The following ZNF536 variants were observed in gnomAD, a reference collection of about 807,000 sequenced individuals.
The protein encoded by ZNF536 is zinc finger protein 536.
ZNF536 carries 13 observed loss-of-function variants against 84.5 expected under a neutral mutation model. The observed-to-expected ratio is 0.15, with a 90% CI of 0.10 to 0.24. The LOEUF is 0.24. ZNF536 is among the 10% of genes least tolerant of loss of function. The pLI is 1.00. For synonymous variants in ZNF536, 811 were observed against 742.5 expected (o/e 1.09, Z -1.50); for missense variants, 1,536 against 1,747.5 (o/e 0.88, Z 2.16).
upstream of ZNF536, among the ~76,000 whole-genome samples, chr19:30,368,693 T>C (rs886818791): frequency 3.3e-5 from 5 of 152,244 alleles, no homozygotes; most frequent in South Asian, 8.3e-4. Flanking sequence ...AGTTATGAGT[T>C]GGTGGAATTC....
chr19:30,499,523 G>C (rs553396612), intron 2 of ZNF536, among the ~76,000 whole-genome samples: 47 of 152,138 alleles, frequency 3.1e-4, no homozygotes, highest in African/African-American at 1.1e-3. Flanking sequence ...TATCCATATA[G>C]CTATCTATAT....
chr19:30,409,674 A>G (rs531497611), intron 1 of ZNF536, among the ~76,000 whole-genome samples: 1 of 152,330 alleles, frequency 6.6e-6, no homozygotes, highest in East Asian at 1.9e-4. Context: ...GTTATGTCAA[A>G]TTACGTCCCC....
intron 1 of ZNF536, among the ~76,000 whole-genome samples, chr19:30,277,389 C>T (rs1490113286): frequency 1.3e-5 from 2 of 152,052 alleles, no homozygotes; most frequent in Non-Finnish European, 2.9e-5. Flanking sequence ...CGAGCCTGGT[C>T]CGATATTGTA....
At chr19:30,408,411 C>T (rs576836885) in intron 1 of ZNF536, among the ~76,000 whole-genome samples, 2 of 152,286 alleles carry the variant, frequency 1.3e-5, no homozygotes, top group South Asian at 4.1e-4. Flanking sequence ...CCCATCACCA[C>T]CTTTGTTCCT....
intron 2 of ZNF536, among the ~76,000 whole-genome samples, chr19:30,481,279 C>A (rs904138336): frequency 3.3e-5 from 5 of 152,154 alleles, no homozygotes; most frequent in African/African-American, 9.7e-5. Flanking sequence ...TACATACATG[C>A]GCATGAGTAT....
intron 1 of ZNF536, among the ~76,000 whole-genome samples, chr19:30,271,218 G>T (rs2025815096): frequency 6.6e-6 from 1 of 151,386 alleles, no homozygotes; most frequent in Non-Finnish European, 1.5e-5. Context: ...GTCTTTCTGT[G>T]CCCTGTGTTT....
At chr19:30,536,834 T>C (rs1052243300) in intron 3 of ZNF536, among the ~76,000 whole-genome samples, 1 of 152,318 alleles carries the variant, frequency 6.6e-6, no homozygotes, top group East Asian at 1.9e-4. Flanking sequence ...CCTTGCATTC[T>C]GAACTCAGGG....
chr19:30,488,572 A>C (rs984169598), intron 2 of ZNF536, among the ~76,000 whole-genome samples: 1 of 151,830 alleles, frequency 6.6e-6, no homozygotes, highest in Admixed American at 6.6e-5. Flanking sequence ...AATTAAAAAA[A>C]AAAAACAACC....
chr19:30,421,764 C>G (rs1410563003), intron 1 of ZNF536, among the ~76,000 whole-genome samples: 2 of 152,192 alleles, frequency 1.3e-5, no homozygotes. Flanking sequence ...AGGAGAGAAG[C>G]CCCTTCCAGC....
At chr19:30,558,198 C>T (rs1256072555), downstream of ZNF536, 1 of 152,208 alleles carries the variant, frequency 6.6e-6, no homozygotes, top group Non-Finnish European at 1.5e-5. Flanking sequence ...CGGGGCAGAT[C>T]ATTGCATTTT....
At chr19:30,634,990 T>C (rs1353761447) in intron 1 of ZNF536, among the ~76,000 whole-genome samples, 2 of 152,248 alleles carry the variant, frequency 1.3e-5, no homozygotes, top group East Asian at 3.9e-4. Context: ...ACTCAGCTTA[T>C]TTTAATTCTG....
In ZNF536 at chr19:30,395,304, C is replaced by T. The variant is rs138814113; in HGVS notation, c.-3+22748C>T. Among the ~76,000 whole-genome samples the T allele has an allele frequency of 5.7e-3, 864 of 152,292 alleles. 7 individuals carry two copies. The highest frequency in any genetic ancestry group is 0.02 in the African/African-American group (828 of 41,568). On this transcript the variant is annotated intron_variant, in intron 1 of 4. Coordinates refer to ENST00000355537, the MANE Select transcript of ZNF536 (RefSeq NM_014717.3). ...TAAAGGGGATGTCCAATAACTAGAACATAGAAGTGGCATTTTGTTGTTTTG... is the reference window on the plus strand; with the variant it reads ...TAAAGGGGATGTCCAATAACTAGAATATAGAAGTGGCATTTTGTTGTTTTG...
intron 2 of ZNF536, among the ~76,000 whole-genome samples, chr19:30,323,962 C>T (rs1471820512): frequency 6.6e-6 from 1 of 152,064 alleles, no homozygotes; most frequent in African/African-American, 2.4e-5. Context: ...CCTTTATTTA[C>T]TCATCCACTC....
chr19:30,709,498 G>A (rs560703167), intron 1 of ZNF536, among the ~76,000 whole-genome samples: 46 of 152,326 alleles, frequency 3.0e-4, no homozygotes, highest in African/African-American at 1.1e-3. Flanking sequence ...ATCAGAACAT[G>A]AGCTGGCTTT....
At chr19:30,517,147 C>G (rs9676954) in intron 2 of ZNF536, among the ~76,000 whole-genome samples, 14,732 of 152,274 alleles carry the variant, frequency 0.097, 987 homozygotes, top group Non-Finnish European at 0.15. Flanking sequence ...AATTTGGTAT[C>G]ATAGCGAAGA....
At chr19:30,399,733 G>A (rs998524681) in intron 1 of ZNF536, among the ~76,000 whole-genome samples, 1 of 142,916 alleles carries the variant, frequency 7.0e-6, no homozygotes, top group African/African-American at 2.6e-5. Context: ...AGTCACCCAG[G>A]CTGGAGTGCA....
At chr19:30,267,868 G>A (rs1599960082) in intron 1 of ZNF536, among the ~76,000 whole-genome samples, 1 of 146,912 alleles carries the variant, frequency 6.8e-6, no homozygotes, top group Admixed American at 6.6e-5. Context: ...GAGTGTGTAT[G>A]TGTGTGTGTG....
At position 30,711,831 on chromosome 19, in the gene ZNF536, G is replaced by A. The variant is rs1013930409; in HGVS notation, c.*830G>A. ...AGTAGGGTACATTATATAAAATGTT[G>A]TTAGAAAAACTAGCTAACCCCATCC... On this transcript the variant is annotated 3_prime_UTR_variant, in exon 2 of 2. Coordinates refer to the ZNF536 transcript ENST00000592773. 5 of 152,172 alleles carry A rather than the reference G, an allele frequency of 3.3e-5. No homozygotes were observed. In the East Asian group the frequency reaches 7.7e-4, roughly 23 times the overall value. 9.4% of individuals were successfully genotyped at this position (152,172 alleles called of 1,614,324 possible). A position where few individuals can be genotyped will look rare whatever the true frequency, so the allele number is the denominator to read the frequency against.
intron 1 of ZNF536, among the ~76,000 whole-genome samples, chr19:30,236,350 T>A (rs1179779063): frequency 1.3e-5 from 2 of 152,338 alleles, no homozygotes; most frequent in East Asian, 1.9e-4. Flanking sequence ...AGACACTCCA[T>A]CTGCAATTCT....
Sources: gnomAD v4.1 joint callset for allele counts (sites outside exome capture counted in the v4.1 genomes callset) on GRCh38, gnomAD v4.1.1 for gene constraint, MANE v1.5 for transcripts, NCBI Gene and HGNC (gene_info 2026-07-23, HGNC 2026-07-21) for gene names.